The following RARB variants were observed in gnomAD, a reference collection of about 807,000 sequenced individuals.
RARB encodes the protein HBV-activated protein.
A neutral mutation model predicts 51.9 loss-of-function variants in RARB; 17 were observed. That is an observed-to-expected ratio of 0.33 (90% CI 0.22 to 0.49). The LOEUF (loss-of-function observed/expected upper bound fraction) is 0.49, where lower values mean the gene tolerates loss of function less well. Among genes scored for constraint, RARB ranks in the 20% least tolerant of loss-of-function variants. RARB has a pLI of 0.99. For synonymous variants in RARB, 215 were observed against 195.4 expected, an observed-to-expected ratio of 1.10 and a Z score of -0.84; for missense variants, 369 against 550.8, an observed-to-expected ratio of 0.67 and a Z score of 3.30.
At position 24,973,059 on chromosome 3, in the gene RARB, C is replaced by T. The variant is rs187351290; in HGVS notation, c.-379-87066C>T. Among the ~76,000 whole-genome samples the T allele has an allele frequency of 1.8e-4, 27 of 152,058 alleles. No individual in the cohort carries two copies. In the East Asian group the frequency reaches 4.3e-3, roughly 24 times the overall value. On this transcript the variant is annotated intron_variant, in intron 2 of 11. Transcript: ENST00000383772. ...CACAAAAAAGCTTTGCCCAGACCAA[C>T]GTCCTGAAGCATTTCCCCAAAAGTT...
chr3:25,193,166 T>G (rs1312125700), intron 5 of RARB, among the ~76,000 whole-genome samples: 2 of 152,042 alleles, frequency 1.3e-5, no homozygotes, highest in Non-Finnish European at 2.9e-5. Flanking sequence ...TAATCTTAAC[T>G]TTTTGGCTTA....
At chr3:25,270,269 G>T (rs1337000318) in intron 5 of RARB, among the ~76,000 whole-genome samples, 2 of 152,270 alleles carry the variant, frequency 1.3e-5, no homozygotes, top group East Asian at 3.9e-4. Flanking sequence ...GCCAAATGCG[G>T]TCTGTATGTA....
At chr3:25,092,476 C>A (rs1699216126) in intron 3 of RARB, among the ~76,000 whole-genome samples, 1 of 151,982 alleles carries the variant, frequency 6.6e-6, no homozygotes, top group Non-Finnish European at 1.5e-5. Flanking sequence ...ATCTAGTTGT[C>A]TCTCTTATTT....
intron 2 of RARB, among the ~76,000 whole-genome samples, chr3:25,481,012 T>G (rs1696199460): frequency 6.6e-6 from 1 of 152,108 alleles, no homozygotes; most frequent in South Asian, 2.1e-4. Flanking sequence ...GGAACCACAT[T>G]TTGAGAGCCA....
intron 5 of RARB, among the ~76,000 whole-genome samples, chr3:25,291,161 A>C (rs1703776089): frequency 6.6e-6 from 1 of 152,202 alleles, no homozygotes; most frequent in African/African-American, 2.4e-5. Context: ...CAATGATTAT[A>C]ATCCATCTGC....
chr3:24,983,142 T>A (rs1033187984), intron 2 of RARB, among the ~76,000 whole-genome samples: 1 of 152,206 alleles, frequency 6.6e-6, no homozygotes, highest in Non-Finnish European at 1.5e-5. Context: ...AACACACATG[T>A]GCTAGTGAGC....
intron 2 of RARB, among the ~76,000 whole-genome samples, chr3:24,906,688 C>T (rs556107987): frequency 6.6e-6 from 1 of 151,322 alleles, no homozygotes; most frequent in Non-Finnish European, 1.5e-5. Context: ...TCTAAAAATA[C>T]AAAAAAATTA....
At chr3:24,992,151 C>T (rs2125435418) in intron 2 of RARB, among the ~76,000 whole-genome samples, 1 of 152,244 alleles carries the variant, frequency 6.6e-6, no homozygotes, top group South Asian at 2.1e-4. Flanking sequence ...TTTGCTCTGT[C>T]ACATCATATA....
chr3:25,033,545 G>A (rs1034803178), intron 2 of RARB, among the ~76,000 whole-genome samples: 2 of 152,150 alleles, frequency 1.3e-5, no homozygotes, highest in East Asian at 3.9e-4. Context: ...TGCTTTTCAG[G>A]TCCACTGCCA....
At chr3:25,011,895 T>TA (rs948516422) in intron 2 of RARB, among the ~76,000 whole-genome samples, 14 of 151,778 alleles carry the variant, frequency 9.2e-5, no homozygotes, top group East Asian at 1.9e-4. Context: ...ATCCAGTCCC[T>TA]AAAAAAAAGA....
chr3:25,519,193 C>T (rs1559447624), intron 3 of RARB, among the ~76,000 whole-genome samples: 2 of 152,088 alleles, frequency 1.3e-5, no homozygotes, highest in African/African-American at 4.8e-5. Context: ...TGGGTTGTTT[C>T]TGGTTAGAAG....
chr3:25,590,145 TG>T (rs1435378678), intron 5 of RARB, among the ~76,000 whole-genome samples: 4 of 152,226 alleles, frequency 2.6e-5, no homozygotes, highest in Admixed American at 6.5e-5. Context: ...CAGTTGTACT[TG>T]GTTTCGGCTT....
chr3:25,060,570 A>G (rs1698528360), intron 3 of RARB, among the ~76,000 whole-genome samples: 1 of 151,888 alleles, frequency 6.6e-6, no homozygotes, highest in Non-Finnish European at 1.5e-5. Context: ...TGGTGTGACT[A>G]CATTCCAATA....
At chr3:25,563,698 C>G (rs1269862305) in intron 3 of RARB, among the ~76,000 whole-genome samples, 1 of 152,168 alleles carries the variant, frequency 6.6e-6, no homozygotes, top group East Asian at 1.9e-4. Flanking sequence ...AAAATTAAAG[C>G]ATGTTTTAAT....
At chr3:25,472,928 C>T (rs1695768006) in intron 2 of RARB, among the ~76,000 whole-genome samples, 1 of 152,182 alleles carries the variant, frequency 6.6e-6, no homozygotes, top group African/African-American at 2.4e-5. Context: ...ATATGTCTCT[C>T]ATTAGGACCT....
chr3:25,153,883 T>C (rs1575184909), intron 4 of RARB, among the ~76,000 whole-genome samples: 1 of 152,198 alleles, frequency 6.6e-6, no homozygotes, highest in Non-Finnish European at 1.5e-5. Context: ...CACAATATTC[T>C]CAATGAGGGC....
At chr3:25,154,031 T>C (rs1020737998) in intron 4 of RARB, among the ~76,000 whole-genome samples, 3 of 152,258 alleles carry the variant, frequency 2.0e-5, no homozygotes, top group African/African-American at 4.8e-5. Context: ...CATTGGACTT[T>C]ATCTTTGTAT....
chr3:24,961,864 T>C lies in RARB; in HGVS notation c.-379-98261T>C, dbSNP rs975754130. Among the ~76,000 whole-genome samples the C allele has an allele frequency of 3.3e-5, 5 of 151,642 alleles. No individual in the cohort carries two copies. In the East Asian group the frequency reaches 5.8e-4, roughly 18 times the overall value. On this transcript the variant is annotated intron_variant, in intron 2 of 11. Coordinates refer to the RARB transcript ENST00000383772. ...AAAACAAAGCATTTTGGTTTTCTTATAAGTGCGTACGTGAGAAAAATAGCC... is the reference window on the plus strand; with the variant it reads ...AAAACAAAGCATTTTGGTTTTCTTACAAGTGCGTACGTGAGAAAAATAGCC...
chr3:24,950,327 A>T (rs1010836566), intron 2 of RARB, among the ~76,000 whole-genome samples: 2 of 152,236 alleles, frequency 1.3e-5, no homozygotes, highest in Non-Finnish European at 2.9e-5. Flanking sequence ...TATAAAATAC[A>T]TGTTCTTCAC....
Sources: allele counts gnomAD v4.1 joint callset (sites outside exome capture counted in the v4.1 genomes callset), GRCh38; gene constraint gnomAD v4.1.1; transcripts MANE v1.5; gene names NCBI Gene and HGNC (gene_info 2026-07-23, HGNC 2026-07-21).